The following FANCA variants were observed in gnomAD, a reference collection of about 807,000 sequenced individuals.
The protein encoded by FANCA is Fanconi anemia group A protein.
Under a neutral mutation model 194.3 loss-of-function variants are expected in FANCA, and 236 were observed. The observed-to-expected ratio is 1.21, with a 90% CI of 1.09 to 1.35. The LOEUF (loss-of-function observed/expected upper bound fraction) is 1.35, where lower values mean the gene tolerates loss of function less well. FANCA is among the 40% of genes most tolerant of loss of function. The pLI, the probability that FANCA is intolerant of heterozygous loss-of-function variation, is 0.00. For synonymous variants in FANCA, 1,014 were observed against 715.8 expected, an observed-to-expected ratio of 1.42 and a Z score of -6.65; for missense variants, 2,628 against 1,813.9, an observed-to-expected ratio of 1.45 and a Z score of -8.15.
chr16:89,803,140 T>A, intron 8 of FANCA, 119 bp downstream of exon 8: 1 of 984,200 alleles, frequency 1.0e-6, no homozygotes, highest in South Asian at 1.3e-5. Flanking sequence ...AAGTATCACA[T>A]GTACCCCGTA....
At position 89,745,081 on chromosome 16, in the gene FANCA, G is replaced by A. The variant is rs561558430; in HGVS notation, c.3514-10C>T. 1.1e-5 allele frequency: 18 copies of A among 1,592,390 alleles called. No individual in the cohort carries two copies. The African/African-American group carries it at 1.7e-4, about 15-fold the overall frequency. On this transcript the variant is annotated splice_polypyrimidine_tract_variant and intron_variant, in intron 35 of 42. Transcript: ENST00000389301. ...GGCTCGGCCACCACACCTATGGAGA[G>A]AGCACCAGCACACAGATGAGGGTGG... is the stretch of plus-strand genomic sequence containing the variant.
chr16:89,745,789 C>T (rs1381430969), intron 35 of FANCA, among the ~76,000 whole-genome samples: 1 of 150,810 alleles, frequency 6.6e-6, no homozygotes, highest in Non-Finnish European at 1.5e-5. Flanking sequence ...AGGGACCACA[C>T]TCCTCTGAGC....
At chr16:89,762,987 C>G (rs1429868158) in intron 28 of FANCA, among the ~76,000 whole-genome samples, 2 of 151,002 alleles carry the variant, frequency 1.3e-5, no homozygotes, top group Non-Finnish European at 2.9e-5. Flanking sequence ...GTGGCTCACA[C>G]CTGTAATCCC....
In FANCA at chr16:89,737,843, C is replaced by A. The variant is rs530844175; in HGVS notation, c.*758G>T. ...ATATCTGTGACGAATGTGGACAAAC[C>A]TTCAAGCAGCGGAAGCACCTTCTCG... is the stretch of plus-strand genomic sequence containing the variant. On this transcript the variant is annotated 3_prime_UTR_variant, in exon 43 of 43. Transcript: ENST00000389301. The A allele has an allele frequency of 6.2e-7, 1 of 1,614,174 alleles. No homozygotes were observed. The highest frequency in any genetic ancestry group is 1.7e-5 in the Admixed American group (1 of 60,012).
chr16:89,745,700 T>C lies in FANCA; in HGVS notation c.3514-629A>G, dbSNP rs1218909371. On this transcript the variant is annotated intron_variant, in intron 35 of 42. Transcript: ENST00000389301. ...CTGCCCTGAGCTGGGAACAAAACAG[T>C]GAAGGGACCACACTCCTCTGAGCTG... Among the ~76,000 whole-genome samples the C allele has an allele frequency of 2.4e-5, 2 of 83,072 alleles. 1 individual carries two copies. Among genetic ancestry groups the C allele is most frequent in the Non-Finnish European group, 4.0e-5 (2 of 49,906 alleles). 54.5% of individuals were successfully genotyped at this position (83,072 alleles called of 152,430 possible). A position where few individuals can be genotyped will look rare whatever the true frequency, so the allele number is the denominator to read the frequency against.
chr16:89,758,455 G>T, intron 30 of FANCA, 122 bp downstream of exon 30: 1 of 1,177,646 alleles, frequency 8.5e-7, no homozygotes, highest in Non-Finnish European at 1.3e-6. Context: ...GGTATAGGCT[G>T]GGAAAGGCAG....
intron 33 of FANCA, among the ~76,000 whole-genome samples, chr16:89,747,471 C>T (rs902963304): frequency 2.6e-5 from 4 of 152,108 alleles, no homozygotes; most frequent in Non-Finnish European, 4.4e-5. Context: ...GAGGCCAAGG[C>T]GGGTGGATCA....
At chr16:89,803,428 C>G (rs935412158) in intron 7 of FANCA, 87 bp from the exon 8 acceptor site, 30 of 1,250,330 alleles carry the variant, frequency 2.4e-5, no homozygotes, top group Admixed American at 2.0e-4. Context: ...TTCAGAGGGG[C>G]GGGTGAGCAT....
rs778681287 is a variant in FANCA, at chr16:89,767,129, G to C, written c.2601+12C>G. ...ATGGCAGAATGGAAAAATAGGAAAA[G>C]AGTGAACCTACCTTTTTAATAAGGC... On this transcript the variant is annotated intron_variant, in intron 27 of 42. Coordinates refer to ENST00000389301, the MANE Select transcript of FANCA (RefSeq NM_000135.4). The C allele has an allele frequency of 6.3e-7, 1 of 1,593,852 alleles. No individual in the cohort carries two copies. The highest frequency in any genetic ancestry group is 2.2e-5 in the East Asian group (1 of 44,790).
rs149016843 is a variant in FANCA, at chr16:89,782,630, G to C, written c.1626+229C>G. On this transcript the variant is annotated intron_variant, in intron 17 of 42. Transcript: ENST00000389301. ...AAAGGACAAATGTCCTGCAGCCTGAGGCACTTCACTCTGCCACACAGTAAC... is the reference window on the plus strand; with the variant it reads ...AAAGGACAAATGTCCTGCAGCCTGACGCACTTCACTCTGCCACACAGTAAC... Among the ~76,000 whole-genome samples the C allele has an allele frequency of 1.6e-3, 241 of 152,260 alleles. 1 individual carries two copies. Among genetic ancestry groups the C allele is most frequent in the African/African-American group, 5.1e-3 (213 of 41,550 alleles).
intron 11 of FANCA, 110 bp from the exon 12 acceptor site, chr16:89,792,657 C>T (rs886923620): frequency 2.6e-5 from 22 of 831,808 alleles, no homozygotes; most frequent in Admixed American, 1.0e-4. Context: ...TGTGCGGCGA[C>T]GAGAGAGTGT....
At chr16:89,770,426 C>T (rs1003937403) in intron 24 of FANCA, 138 bp downstream of exon 24, 48 of 1,017,448 alleles carry the variant, frequency 4.7e-5, no homozygotes, top group Admixed American at 4.0e-5. Context: ...ACTTCTGCTG[C>T]GTCCTATTTG....
intron 30 of FANCA, among the ~76,000 whole-genome samples, chr16:89,758,201 C>T (rs192748729): frequency 9.2e-5 from 14 of 152,124 alleles, no homozygotes; most frequent in Admixed American, 3.9e-4. Flanking sequence ...AAGAAACAAC[C>T]GATGCAGGAA....
At chr16:89,813,767 T>C (rs547737782) in intron 3 of FANCA, among the ~76,000 whole-genome samples, 1 of 151,584 alleles carries the variant, frequency 6.6e-6, no homozygotes, top group African/African-American at 2.4e-5. Context: ...GTTTCCAATG[T>C]GTCTCCATAG....
chr16:89,810,607 G>C (rs1348791645), intron 5 of FANCA, 100 bp downstream of exon 5: 2 of 822,010 alleles, frequency 2.4e-6, no homozygotes, highest in African/African-American at 1.7e-5. Context: ...GAGAAGCTTG[G>C]AGAATTCCCA....
In FANCA at chr16:89,746,927, A is replaced by T. The variant is rs55965606; in HGVS notation, c.3349-37T>A. 3.6e-5 allele frequency: 56 copies of T among 1,536,504 alleles called. 1 individual carries two copies. Among genetic ancestry groups the T allele is most frequent in the East Asian group, 3.4e-4 (14 of 40,866 alleles). On this transcript the variant is annotated intron_variant, in intron 33 of 42. Coordinates refer to ENST00000389301, the MANE Select transcript of FANCA (RefSeq NM_000135.4). ...TTCAAGGCAGGTAAGAAAAGCCCAC[A>T]GGAAGAGAGGCGAGACCAACATGCA... is the stretch of plus-strand genomic sequence containing the variant.
At chr16:89,811,749 G>A (rs955536748) in intron 3 of FANCA, among the ~76,000 whole-genome samples, 1 of 151,632 alleles carries the variant, frequency 6.6e-6, no homozygotes, top group Non-Finnish European at 1.5e-5. Context: ...TTATTTTTTT[G>A]CAATGGTGTC....
intron 3 of FANCA, among the ~76,000 whole-genome samples, chr16:89,812,808 G>C (rs982190853): frequency 1.3e-5 from 2 of 151,604 alleles, no homozygotes; most frequent in Admixed American, 6.6e-5. Context: ...GCCGAGGCGG[G>C]TCGATCACGA....
At chr16:89,796,630 C>T (rs2040257672) in intron 10 of FANCA, among the ~76,000 whole-genome samples, 2 of 152,194 alleles carry the variant, frequency 1.3e-5, no homozygotes, top group Non-Finnish European at 2.9e-5. Context: ...CACATCCCAG[C>T]AGGCCTATAC....
Sources: gnomAD v4.1 joint callset for allele counts (sites outside exome capture counted in the v4.1 genomes callset) on GRCh38, gnomAD v4.1.1 for gene constraint, MANE v1.5 for transcripts, NCBI Gene and HGNC (gene_info 2026-07-23, HGNC 2026-07-21) for gene names.